Variants in NAV3 observed in about 807,000 individuals in gnomAD.
NAV3 encodes pore membrane and/or filament interacting like protein 1.
NAV3 carries 87 observed loss-of-function variants against 244.7 expected under a neutral mutation model. That is an observed-to-expected ratio of 0.36 (90% CI 0.30 to 0.42). The LOEUF (loss-of-function observed/expected upper bound fraction) is 0.42. Ranked by LOEUF, NAV3 falls within the 20% of genes least tolerant of loss-of-function variation. The pLI is 1.00. For missense variants in NAV3, 2,663 were observed against 2,893.3 expected (o/e 0.92, Z 1.83); for synonymous variants, 1,126 against 1,042.2 (o/e 1.08, Z -1.55).
At chr12:78,116,750 C>A (rs1044275395) in intron 12 of NAV3, 22 bp from the exon 13 acceptor site, 2 of 1,561,248 alleles carry the variant, frequency 1.3e-6, no homozygotes, top group Non-Finnish European at 1.7e-6. Flanking sequence ...TGATTCACTG[C>A]TCTTGCATGT....
intron 2 of NAV3, among the ~76,000 whole-genome samples, chr12:77,708,148 A>G (rs1490187492): frequency 6.6e-6 from 1 of 152,226 alleles, no homozygotes; most frequent in Non-Finnish European, 1.5e-5. Flanking sequence ...CTATGTCCTG[A>G]ATGGTATTGC....
chr12:77,905,363 T>G (rs1324372556), intron 1 of NAV3, among the ~76,000 whole-genome samples: 1 of 152,132 alleles, frequency 6.6e-6, no homozygotes, highest in African/African-American at 2.4e-5. Flanking sequence ...TCTCTTTAGA[T>G]TTTAGATCAT....
chr12:78,196,724 G>A (rs1453784185), intron 34 of NAV3, among the ~76,000 whole-genome samples: 1 of 151,858 alleles, frequency 6.6e-6, no homozygotes, highest in Non-Finnish European at 1.5e-5. Flanking sequence ...TTTTATCAAG[G>A]TCCTATGGCT....
chr12:77,989,674 A>G (rs1157883990), intron 5 of NAV3, among the ~76,000 whole-genome samples: 1 of 152,214 alleles, frequency 6.6e-6, no homozygotes, highest in Non-Finnish European at 1.5e-5. Flanking sequence ...TGATAAGACC[A>G]GTGGGTTAAT....
intron 12 of NAV3, among the ~76,000 whole-genome samples, chr12:78,075,858 A>G (rs565744889): frequency 2.0e-5 from 3 of 152,316 alleles, no homozygotes; most frequent in Admixed American, 2.0e-4. Context: ...GATTAAAACA[A>G]TGCACTCTCA....
intron 1 of NAV3, among the ~76,000 whole-genome samples, chr12:77,931,711 C>CA (rs1235467848): frequency 2.0e-5 from 3 of 151,810 alleles, no homozygotes; most frequent in Admixed American, 6.6e-5. Flanking sequence ...CTAAAAAATA[C>CA]AAAAAATTAG....
intron 1 of NAV3, among the ~76,000 whole-genome samples, chr12:77,847,515 A>G (rs955140141): frequency 7.9e-5 from 12 of 152,180 alleles, no homozygotes; most frequent in Non-Finnish European, 2.9e-5. Context: ...ACTGAAAGCA[A>G]CAGGGCAGAG....
chr12:77,825,174 T>G (rs34216258), intron 2 of NAV3, among the ~76,000 whole-genome samples: 11,633 of 152,218 alleles, frequency 0.076, 616 homozygotes, highest in South Asian at 0.22. Context: ...AAACAAAAGC[T>G]GAGACAGTTA....
At chr12:78,142,937 G>A (rs1956693208) in intron 20 of NAV3, among the ~76,000 whole-genome samples, 1 of 151,752 alleles carries the variant, frequency 6.6e-6, no homozygotes, top group African/African-American at 2.4e-5. Context: ...GAATATTTGG[G>A]GAACTACTTA....
chr12:77,640,741 C>T (rs1202150129), intron 2 of NAV3, among the ~76,000 whole-genome samples: 1 of 152,074 alleles, frequency 6.6e-6, no homozygotes, highest in African/African-American at 2.4e-5. Flanking sequence ...TATAGATATG[C>T]TAACTTATTT....
intron 1 of NAV3, among the ~76,000 whole-genome samples, chr12:77,835,268 A>G (rs1874433178): frequency 6.6e-6 from 1 of 152,236 alleles, no homozygotes. Flanking sequence ...TGAAAAATGT[A>G]GTATTTGTTC....
intron 2 of NAV3, among the ~76,000 whole-genome samples, chr12:77,706,028 C>T (rs895935183): frequency 1.3e-5 from 2 of 151,118 alleles, no homozygotes; most frequent in East Asian, 1.9e-4. Context: ...ATCATATAGT[C>T]CATGATATCT....
chr12:77,680,525 T>A (rs1030157862), intron 2 of NAV3, among the ~76,000 whole-genome samples: 2 of 152,184 alleles, frequency 1.3e-5, no homozygotes, highest in African/African-American at 4.8e-5. Flanking sequence ...ATTAGGAGAC[T>A]TATTCAGCTT....
intron 2 of NAV3, among the ~76,000 whole-genome samples, chr12:77,786,800 C>T (rs1410769223): frequency 6.6e-6 from 1 of 152,054 alleles, no homozygotes; most frequent in Non-Finnish European, 1.5e-5. Context: ...TTCCCAGTCC[C>T]ACCACCATGA....
At chr12:78,007,848 A>G (rs1412868839) in intron 8 of NAV3, among the ~76,000 whole-genome samples, 1 of 152,162 alleles carries the variant, frequency 6.6e-6, no homozygotes, top group African/African-American at 2.4e-5. Flanking sequence ...CATCTTTGGG[A>G]GAAAGTATAC....
intron 12 of NAV3, among the ~76,000 whole-genome samples, chr12:78,101,424 A>C (rs1323574441): frequency 6.6e-6 from 1 of 152,200 alleles, no homozygotes; most frequent in African/African-American, 2.4e-5. Context: ...GCAGGATGAC[A>C]TACCTTAGAA....
chr12:78,043,905 C>A (rs1351982899), intron 9 of NAV3, among the ~76,000 whole-genome samples: 4 of 152,142 alleles, frequency 2.6e-5, no homozygotes, highest in Non-Finnish European at 4.4e-5. Context: ...ATGATAGTTT[C>A]TTTTGCTGTG....
At position 78,128,745 on chromosome 12, in the gene NAV3, C is replaced by T. The variant is rs899905154; in HGVS notation, c.4320C>T (p.Gly1440=). Residue 1440 remains glycine, a synonymous_variant, in exon 18 of 40, where the codon GGC becomes GGT. Coordinates refer to ENST00000397909, the MANE Select transcript of NAV3 (RefSeq NM_001024383.2). Reference sequence around the variant, plus strand: ...CTCGGCAGGCCAACCAAGAAGAGGGCAAAGAGTGGTTGCGTTCTCATTCTA... The same window carrying T: ...CTCGGCAGGCCAACCAAGAAGAGGGTAAAGAGTGGTTGCGTTCTCATTCTA... The part of the protein sequence containing the change: ...PSSRQANQEE[G]KEWLRSHSTG... The T allele has an allele frequency of 1.2e-6, 2 of 1,613,926 alleles. No homozygotes were observed. Among genetic ancestry groups the T allele is most frequent in the African/African-American group, 2.7e-5 (2 of 74,928 alleles).
At chr12:77,844,988 A>G (rs1284404580) in intron 1 of NAV3, among the ~76,000 whole-genome samples, 1 of 152,212 alleles carries the variant, frequency 6.6e-6, no homozygotes, top group Non-Finnish European at 1.5e-5. Context: ...TAATAACGTT[A>G]AGACATTACC....
Sources: gnomAD v4.1 joint callset for allele counts (sites outside exome capture counted in the v4.1 genomes callset) on GRCh38, gnomAD v4.1.1 for gene constraint, MANE v1.5 for transcripts, NCBI Gene and HGNC (gene_info 2026-07-23, HGNC 2026-07-21) for gene names.